The following ASPDH variants were observed in gnomAD, a reference collection of about 807,000 sequenced individuals.
ASPDH encodes the protein aspartate dehydrogenase domain-containing protein.
ASPDH carries 25 observed loss-of-function variants against 30.5 expected under a neutral mutation model. The observed-to-expected ratio is 0.82, with a 90% CI of 0.60 to 1.14. The LOEUF (loss-of-function observed/expected upper bound fraction) is 1.14, where lower values mean the gene tolerates loss of function less well. ASPDH is among the 50% of genes most tolerant of loss of function. The pLI is 0.00. For missense variants in ASPDH, 401 were observed against 381.5 expected (o/e 1.05, Z -0.43); for synonymous variants, 168 against 156.3 (o/e 1.07, Z -0.56).
Position 50,513,124 on chromosome 19 carries a change from G to A in ASPDH, c.198-113C>T, listed in dbSNP as rs1980065162. 17 of 1,265,204 alleles carry A rather than the reference G, an allele frequency of 1.3e-5. No homozygotes were observed. The Middle Eastern group carries it at 6.3e-4, about 47-fold the overall frequency. The allele number at this position is 1,265,204 out of a possible 1,614,324, so 78.4% of individuals were successfully genotyped here. A position where few individuals can be genotyped will look rare whatever the true frequency, so the allele number is the denominator to read the frequency against. On this transcript the variant is annotated intron_variant, in intron 2 of 6. Coordinates refer to ENST00000389208, the MANE Select transcript of ASPDH (RefSeq NM_001114598.2). This position sits in a 1 kb window ranked among gnomAD's most constrained non-coding sequence, Gnocchi z 4.9. ...CCTTCTTCTCCCTGACCTGGGAGGCGAAATGAGATGAATGGGTTCGTCCTG... is the reference window on the plus strand; with the variant it reads ...CCTTCTTCTCCCTGACCTGGGAGGCAAAATGAGATGAATGGGTTCGTCCTG...
chr19:50,513,859 G>C lies in ASPDH; in HGVS notation c.-36C>G. The stretch of plus-strand genomic sequence containing the variant: ...GCGGTGTCTGGGGCCTGGCTCCCTG[G>C]GCTGCTCGCTGCCCGCTGCACAAGG... On this transcript the variant is annotated 5_prime_UTR_variant, in exon 1 of 7. Coordinates refer to ENST00000389208, the MANE Select transcript of ASPDH (RefSeq NM_001114598.2). The surrounding 1 kb of genome is among the most constrained non-coding windows in gnomAD (Gnocchi z 4.9). The C allele has an allele frequency of 6.5e-7, 1 of 1,544,376 alleles. No individual in the cohort carries two copies.
rs1163919140 is a variant in ASPDH, at chr19:50,513,256, T to C, written c.197+16A>G. ...AGCTTCAGGGAGCTCCACTCTCCCA[T>C]GGCAAGGTCACTGACCTTTCCCCAA... On this transcript the variant is annotated intron_variant, in intron 2 of 6. Coordinates refer to ENST00000389208, the MANE Select transcript of ASPDH (RefSeq NM_001114598.2). The surrounding 1 kb of genome is among the most constrained non-coding windows in gnomAD (Gnocchi z 4.9). 1.4e-6 allele frequency: 2 copies of C among 1,456,914 alleles called. No homozygotes were observed. The highest frequency in any genetic ancestry group is 1.4e-5 in the African/African-American group (1 of 69,726). 90.2% of individuals were successfully genotyped at this position (1,456,914 alleles called of 1,614,324 possible).
At chr19:50,512,629 C>A in intron 4 of ASPDH, 32 bp downstream of exon 4, 5 of 1,513,054 alleles carry the variant, frequency 3.3e-6, no homozygotes, top group East Asian at 2.4e-5. Context: ...TGCAGGCCTC[C>A]CCTGGTTCCT....
chr19:50,514,411 G>A, upstream of ASPDH: 1 of 1,606,020 alleles, frequency 6.2e-7, no homozygotes, highest in Non-Finnish European at 8.5e-7. Flanking sequence ...GCGCAGCACG[G>A]GTCCCCTTCC....
Position 50,513,553 on chromosome 19 carries a change from TG to T in ASPDH, c.53-138del. On this transcript the variant is annotated intron_variant, in intron 1 of 6. Transcript: ENST00000389208. This position sits in a 1 kb window ranked among gnomAD's most constrained non-coding sequence, Gnocchi z 4.9. Reference sequence around the variant, plus strand: ...AGATTGCGGGGTAGGGAGACAGAGATGGGGGCAGGGCAGAGACACAGTGGGG... The same window carrying T: ...AGATTGCGGGGTAGGGAGACAGAGATGGGGCAGGGCAGAGACACAGTGGGG... 1.2e-6 allele frequency: 1 copy of T among 862,692 alleles called. No homozygotes were observed. The highest frequency in any genetic ancestry group is 2.0e-5 in the South Asian group (1 of 48,910). 53.4% of individuals were successfully genotyped at this position (862,692 alleles called of 1,614,324 possible). A position where few individuals can be genotyped will look rare whatever the true frequency, so the allele number is the denominator to read the frequency against.
chr19:50,512,188 TGGCTCG>T lies in ASPDH; in HGVS notation c.750_755del (p.Glu251_Pro252del), dbSNP rs1568707582. ...CGGTGGCGGAGCCGGTGACCGCGCC[TGGCTCG>T]GCAGGGTTCTCTCTGCGGGTGTGCA... is the stretch of plus-strand genomic sequence containing the variant. On this transcript the variant is annotated inframe_deletion, in exon 6 of 7. Transcript: ENST00000389208. The T allele has an allele frequency of 1.2e-6, 2 of 1,605,202 alleles. No individual in the cohort carries two copies. The highest frequency in any genetic ancestry group is 2.2e-5 in the South Asian group (2 of 90,308).
intron 6 of ASPDH, 87 bp downstream of exon 6, chr19:50,512,049 A>G: frequency 1.7e-6 from 2 of 1,164,838 alleles, no homozygotes; most frequent in Non-Finnish European, 1.2e-6. Flanking sequence ...ATACAGAACC[A>G]GAACTGCAGA....
chr19:50,514,834 C>A (rs1290363277), upstream of ASPDH: 2 of 1,290,250 alleles, frequency 1.6e-6, no homozygotes, highest in Admixed American at 3.2e-5. Context: ...GTGGCGAGAG[C>A]CCCAAGTTGA....
rs760914585 is a variant in ASPDH, at chr19:50,512,312, G to T, written c.654-22C>A. The T allele has an allele frequency of 3.1e-6, 5 of 1,613,884 alleles. No individual in the cohort carries two copies. In the Admixed American group the frequency reaches 8.3e-5, roughly 27 times the overall value. The stretch of plus-strand genomic sequence containing the variant: ...GAGGCTGGGACAAGAGGGGCAGTCA[G>T]TCTGGAGAGCCTGGACTCAGCCCAA... On this transcript the variant is annotated intron_variant, in intron 5 of 6. Transcript: ENST00000389208.
At position 50,513,080 on chromosome 19, in the gene ASPDH, C is replaced by G; in HGVS notation, c.198-69G>C. On this transcript the variant is annotated intron_variant, in intron 2 of 6. Coordinates refer to ENST00000389208, the MANE Select transcript of ASPDH (RefSeq NM_001114598.2). This position sits in a 1 kb window ranked among gnomAD's most constrained non-coding sequence, Gnocchi z 4.9. ...GGCCTCTTCTCCCCAAGGTTCCCTC[C>G]GAGTCTACTGAGGGCTGCCCTTCTT... 7 of 1,392,426 alleles carry G rather than the reference C, an allele frequency of 5.0e-6. No individual in the cohort carries two copies. The highest frequency in any genetic ancestry group is 2.6e-5 in the South Asian group (2 of 76,824). The allele number at this position is 1,392,426 out of a possible 1,614,324, so 86.3% of individuals were successfully genotyped here. A position where few individuals can be genotyped will look rare whatever the true frequency, so the allele number is the denominator to read the frequency against.
intron 3 of ASPDH, 49 bp from the exon 4 acceptor site, chr19:50,512,859 C>T: frequency 6.3e-7 from 1 of 1,598,956 alleles, no homozygotes; most frequent in Non-Finnish European, 8.5e-7. Flanking sequence ...AGGATATCCA[C>T]TTCAGGGTGG....
upstream of ASPDH, chr19:50,514,797 G>C: frequency 8.8e-7 from 1 of 1,131,000 alleles, no homozygotes; most frequent in Non-Finnish European, 1.1e-6. Flanking sequence ...GTGAACGGGA[G>C]CATGGGGTGG....
upstream of ASPDH, chr19:50,514,420 CCCACAGCCTCCGCCCCTGT>C (rs1980140571): frequency 5.0e-6 from 8 of 1,611,520 alleles, no homozygotes; most frequent in South Asian, 5.5e-5. Flanking sequence ...GGGTCCCCTT[CCCACAGCCTCCGCCCCTGT>C]CCACAGCCTC....
chr19:50,511,629 G>A lies in ASPDH; in HGVS notation c.*101C>T. ...GGGGGAGGCAGCGGTGATCTTTACT[G>A]AGTCAGAAGGGAGACCCTGGGGAAG... On this transcript the variant is annotated 3_prime_UTR_variant, in exon 7 of 7. Transcript: ENST00000389208. 1.5e-6 allele frequency: 1 copy of A among 660,936 alleles called. No homozygotes were observed. The highest frequency in any genetic ancestry group is 3.4e-5 in the East Asian group (1 of 28,998). The allele number at this position is 660,936 out of a possible 1,614,324, so 40.9% of individuals were successfully genotyped here.
At position 50,512,301 on chromosome 19, in the gene ASPDH, A is replaced by AG; in HGVS notation, c.654-12dup. 1 of 1,613,808 alleles carries AG rather than the reference A, an allele frequency of 6.2e-7. No individual in the cohort carries two copies. Among genetic ancestry groups the AG allele is most frequent in the South Asian group, 1.1e-5 (1 of 91,082 alleles). ...TGCATGTCCGTGAGGCTGGGACAAG[A>AG]GGGGCAGTCAGTCTGGAGAGCCTGG... On this transcript the variant is annotated splice_polypyrimidine_tract_variant and intron_variant, in intron 5 of 6. Coordinates refer to ENST00000389208, the MANE Select transcript of ASPDH (RefSeq NM_001114598.2).
upstream of ASPDH, chr19:50,515,036 G>T: frequency 3.0e-6 from 3 of 985,268 alleles, no homozygotes; most frequent in Non-Finnish European, 2.4e-6. Flanking sequence ...TCACGGAAGT[G>T]GGGGGCCTCC....
chr19:50,512,166 T>A lies in ASPDH; in HGVS notation c.778A>T (p.Thr260Ser). The A allele has an allele frequency of 6.3e-7, 1 of 1,586,116 alleles. No homozygotes were observed. The highest frequency in any genetic ancestry group is 2.3e-5 in the East Asian group (1 of 43,820). Residue 260 changes from threonine (T) to serine (S), a missense_variant, in exon 6 of 7, where the codon ACC (threonine) becomes TCC (serine). By Grantham distance (58) the Thr-to-Ser change is moderately conservative (BLOSUM62 1). Coordinates refer to ENST00000389208, the MANE Select transcript of ASPDH (RefSeq NM_001114598.2). ...AEPGAVTGSATVTAFWQSLLA... is the reference protein window; with the variant it reads ...AEPGAVTGSASVTAFWQSLLA... ...AGGCTCTGCCAGAAGGCCGTGACGG[T>A]GGCGGAGCCGGTGACCGCGCCTGGC... is the stretch of plus-strand genomic sequence containing the variant.
At chr19:50,514,912 G>C (rs1443287101), upstream of ASPDH, 12 of 985,314 alleles carry the variant, frequency 1.2e-5, no homozygotes, top group Non-Finnish European at 1.3e-5. Flanking sequence ...GCACCCAAAG[G>C]CTGCCGCTGC....
At position 50,513,059 on chromosome 19, in the gene ASPDH, T is replaced by C; in HGVS notation, c.198-48A>G. ...GAGGGTCTTGGAGAGGTATTAGGCC[T>C]CTTCTCCCCAAGGTTCCCTCCGAGT... On this transcript the variant is annotated intron_variant, in intron 2 of 6. Coordinates refer to ENST00000389208, the MANE Select transcript of ASPDH (RefSeq NM_001114598.2). This position sits in a 1 kb window ranked among gnomAD's most constrained non-coding sequence, Gnocchi z 4.9. The C allele has an allele frequency of 6.7e-7, 1 of 1,499,898 alleles. No homozygotes were observed. Among genetic ancestry groups the C allele is most frequent in the Non-Finnish European group, 9.1e-7 (1 of 1,095,878 alleles). 92.9% of individuals were successfully genotyped at this position (1,499,898 alleles called of 1,614,324 possible).
Sources: gnomAD v4.1 joint callset for allele counts on GRCh38, gnomAD v4.1.1 for gene constraint, Gnocchi (gnomAD v3.1) non-coding constraint, MANE v1.5 for transcripts, NCBI Gene and HGNC (gene_info 2026-07-23, HGNC 2026-07-21) for gene names.